Variants in CPA6 observed in about 807,000 individuals in gnomAD.
CPA6 encodes carboxypeptidase A6, also known as carboxypeptidase B.
In CPA6, 58 loss-of-function variants were observed where a neutral mutation model predicts 63.3. That is an observed-to-expected ratio of 0.92 (90% CI 0.74 to 1.14). The LOEUF (loss-of-function observed/expected upper bound fraction) is 1.14, where lower values mean the gene tolerates loss of function less well. Among genes scored for constraint, CPA6 ranks in the 50% most tolerant of loss-of-function variants. CPA6 has a pLI of 0.00. For synonymous variants in CPA6, 185 were observed against 179.0 expected (o/e 1.03, Z -0.27); for missense variants, 565 against 526.6 (o/e 1.07, Z -0.71).
intron 8 of CPA6, among the ~76,000 whole-genome samples, chr8:67,482,861 A>G (rs549706233): frequency 1.3e-5 from 2 of 152,340 alleles, no homozygotes; most frequent in East Asian, 3.9e-4. Flanking sequence ...CTTATTTGCC[A>G]ATTCTAATTG....
At chr8:67,676,706 A>G (rs1202970855) in intron 1 of CPA6, among the ~76,000 whole-genome samples, 2 of 152,206 alleles carry the variant, frequency 1.3e-5, no homozygotes, top group African/African-American at 2.4e-5. Context: ...ACTGAACTTT[A>G]CCACCAGAAA....
chr8:67,433,828 C>G (rs1587419332), intron 9 of CPA6, among the ~76,000 whole-genome samples: 1 of 152,200 alleles, frequency 6.6e-6, no homozygotes, highest in Non-Finnish European at 1.5e-5. Flanking sequence ...TACTTAATCT[C>G]TCAGCTTCTA....
chr8:67,685,340 G>A (rs1395712583), intron 1 of CPA6, among the ~76,000 whole-genome samples: 1 of 152,170 alleles, frequency 6.6e-6, no homozygotes, highest in Non-Finnish European at 1.5e-5. Flanking sequence ...ATTGCTGGCC[G>A]GGCGCAGTGG....
chr8:67,442,400 A>G (rs77341491), intron 8 of CPA6, among the ~76,000 whole-genome samples: 6,630 of 152,142 alleles, frequency 0.044, 485 homozygotes, highest in African/African-American at 0.15. Context: ...GTAATATGAT[A>G]TATTTAGAAG....
intron 2 of CPA6, among the ~76,000 whole-genome samples, chr8:67,555,771 T>C (rs1182046901): frequency 1.3e-5 from 2 of 152,242 alleles, no homozygotes; most frequent in East Asian, 1.9e-4. Flanking sequence ...CAGGATTGAA[T>C]TGGATTGTTG....
At chr8:67,615,688 G>A (rs1814927547) in intron 2 of CPA6, among the ~76,000 whole-genome samples, 1 of 152,144 alleles carries the variant, frequency 6.6e-6, no homozygotes, top group African/African-American at 2.4e-5. Context: ...TCCACCATAT[G>A]CAATTCAGAG....
intron 6 of CPA6, among the ~76,000 whole-genome samples, chr8:67,493,982 C>T (rs1205684563): frequency 6.6e-6 from 1 of 152,064 alleles, no homozygotes. Flanking sequence ...TTCTAAAAAC[C>T]TGTAGAAATA....
intron 3 of CPA6, among the ~76,000 whole-genome samples, chr8:67,512,763 G>A (rs1276560166): frequency 6.6e-6 from 1 of 152,118 alleles, no homozygotes; most frequent in Non-Finnish European, 1.5e-5. Flanking sequence ...AGAACCTGTT[G>A]TTTAATGGTT....
chr8:67,691,572 G>A (rs528425444), intron 1 of CPA6, among the ~76,000 whole-genome samples: 37 of 152,238 alleles, frequency 2.4e-4, no homozygotes, highest in African/African-American at 6.7e-4. Context: ...AGCAGAGCAC[G>A]CCCAGCCCCC....
At chr8:67,688,663 C>T (rs1267759499) in intron 1 of CPA6, among the ~76,000 whole-genome samples, 1 of 152,130 alleles carries the variant, frequency 6.6e-6, no homozygotes, top group Non-Finnish European at 1.5e-5. Flanking sequence ...TTCTTTTCTG[C>T]CCCATTTTTC....
chr8:67,678,097 G>A (rs757812436), intron 1 of CPA6, among the ~76,000 whole-genome samples: 2 of 152,116 alleles, frequency 1.3e-5, no homozygotes, highest in South Asian at 2.1e-4. Context: ...GTGTGGTGGT[G>A]TGTGCCTGTA....
intron 2 of CPA6, among the ~76,000 whole-genome samples, chr8:67,617,987 A>G (rs946836952): frequency 6.6e-6 from 1 of 152,180 alleles, no homozygotes; most frequent in Non-Finnish European, 1.5e-5. Flanking sequence ...AACTAGCTGG[A>G]GGAAACATCG....
chr8:67,702,601 T>G (rs1248825554), intron 1 of CPA6, among the ~76,000 whole-genome samples: 3 of 152,010 alleles, frequency 2.0e-5, no homozygotes, highest in African/African-American at 7.3e-5. Flanking sequence ...GTTGGACGAG[T>G]GGGCTCAAGC....
chr8:67,666,932 G>T (rs541368970), intron 1 of CPA6, among the ~76,000 whole-genome samples: 10 of 152,200 alleles, frequency 6.6e-5, no homozygotes, highest in Non-Finnish European at 1.2e-4. Flanking sequence ...TCGCAAGCCT[G>T]GGGAAAAACC....
chr8:67,674,604 G>A (rs190494596), intron 1 of CPA6, among the ~76,000 whole-genome samples: 1 of 152,312 alleles, frequency 6.6e-6, no homozygotes, highest in East Asian at 1.9e-4. Context: ...ACTGTGGAAA[G>A]CAGCTTGGAG....
intron 6 of CPA6, among the ~76,000 whole-genome samples, chr8:67,498,518 A>T (rs1811767190): frequency 7.0e-6 from 1 of 142,470 alleles, no homozygotes. Context: ...CCTGGGTGAC[A>T]GAGCGAGACT....
At chr8:67,670,766 C>T (rs573334185) in intron 1 of CPA6, among the ~76,000 whole-genome samples, 2 of 152,232 alleles carry the variant, frequency 1.3e-5, no homozygotes, top group African/African-American at 2.4e-5. Context: ...ATGTCTTTAC[C>T]CAGCATTTTC....
chr8:67,695,310 T>C (rs1366897207), intron 1 of CPA6, among the ~76,000 whole-genome samples: 1 of 152,132 alleles, frequency 6.6e-6, no homozygotes, highest in Non-Finnish European at 1.5e-5. Flanking sequence ...CATCACTGAG[T>C]GCCCAATCTG....
At chr8:67,594,836 T>C (rs1334409878) in intron 2 of CPA6, among the ~76,000 whole-genome samples, 1 of 152,224 alleles carries the variant, frequency 6.6e-6, no homozygotes, top group Non-Finnish European at 1.5e-5. Context: ...TTTCCTCCTG[T>C]AGCTCAGAGT....
Sources: allele counts gnomAD v4.1 joint callset (sites outside exome capture counted in the v4.1 genomes callset), GRCh38; gene constraint gnomAD v4.1.1; transcripts MANE v1.5; gene names NCBI Gene and HGNC (gene_info 2026-07-23, HGNC 2026-07-21).